The following CHST3 variants were observed in gnomAD, a reference collection of about 807,000 sequenced individuals.
The protein encoded by CHST3 is carbohydrate sulfotransferase 3, also known as C6ST-1.
CHST3 carries 20 observed loss-of-function variants against 35.4 expected under a neutral mutation model. The ratio of observed to expected loss-of-function variants is 0.57; its 90% CI spans 0.40 to 0.82. The LOEUF (loss-of-function observed/expected upper bound fraction) is 0.82. CHST3 is among the 40% of genes least tolerant of loss of function. The probability of loss-of-function intolerance (pLI) is 0.00; values close to 1 mark genes in which losing one functional copy is unlikely to be tolerated. For missense variants in CHST3, 693 were observed against 670.1 expected (o/e 1.03, Z -0.38); for synonymous variants, 334 against 295.9 (o/e 1.13, Z -1.32).
Position 72,008,180 on chromosome 10 carries a change from C to A in CHST3, c.1149C>A (p.Arg383=). 1 of 1,549,356 alleles carries A rather than the reference C, an allele frequency of 6.5e-7. No homozygotes were observed. Among genetic ancestry groups the A allele is most frequent in the Admixed American group, 2.0e-5 (1 of 51,000 alleles). ...DVARGPLQKA[R]EMYRFAGIPL... is the part of the protein sequence containing the mutation. ...CACGCGGGCCGCTGCAGAAGGCCCG[C>A]GAGATGTACCGCTTCGCCGGCATCC... is the stretch of plus-strand genomic sequence containing the variant. Residue 383 remains arginine (R), a synonymous_variant, in exon 3 of 3, where the codon CGC becomes CGA. Transcript: ENST00000373115.
intron 1 of CHST3, among the ~76,000 whole-genome samples, chr10:71,998,360 C>G (rs532321717): frequency 6.6e-6 from 1 of 152,146 alleles, no homozygotes; most frequent in African/African-American, 2.4e-5. Context: ...ATGTCCAGGT[C>G]GGTTCTGAAT....
At chr10:72,000,646 A>G (rs375845550) in intron 1 of CHST3, among the ~76,000 whole-genome samples, 36 of 152,122 alleles carry the variant, frequency 2.4e-4, no homozygotes, top group African/African-American at 8.2e-4. Context: ...CAGGGTCTGG[A>G]TCTTGAAGGC....
At chr10:71,973,906 C>T (rs969574324) in intron 1 of CHST3, among the ~76,000 whole-genome samples, 2 of 152,114 alleles carry the variant, frequency 1.3e-5, no homozygotes, top group African/African-American at 4.8e-5. Flanking sequence ...ATAGGATACA[C>T]GAGGAGAGAC....
intron 1 of CHST3, among the ~76,000 whole-genome samples, chr10:72,001,110 A>G (rs1416722740): frequency 6.6e-6 from 1 of 152,146 alleles, no homozygotes; most frequent in East Asian, 1.9e-4. Context: ...CGTAGGTGGG[A>G]TAGGAGTCCA....
intron 1 of CHST3, among the ~76,000 whole-genome samples, chr10:71,981,241 C>T (rs1839798442): frequency 6.6e-6 from 1 of 152,228 alleles, no homozygotes; most frequent in Non-Finnish European, 1.5e-5. Flanking sequence ...CGCGGCAGCA[C>T]CTCGGCCTTG....
intron 1 of CHST3, among the ~76,000 whole-genome samples, chr10:71,998,497 C>G (rs1327530817): frequency 6.6e-6 from 1 of 152,240 alleles, no homozygotes; most frequent in Non-Finnish European, 1.5e-5. Flanking sequence ...GTTCCTACCT[C>G]TCCAACCTGA....
intron 1 of CHST3, among the ~76,000 whole-genome samples, chr10:71,989,501 C>T (rs1333259605): frequency 3.3e-5 from 5 of 152,036 alleles, no homozygotes; most frequent in Admixed American, 3.3e-4. Context: ...TGTCAGGATC[C>T]CTCTTGCTTG....
chr10:71,977,604 C>G (rs777377895), intron 1 of CHST3, among the ~76,000 whole-genome samples: 4 of 151,978 alleles, frequency 2.6e-5, no homozygotes, highest in Non-Finnish European at 5.9e-5. Context: ...TGTGCTCCAC[C>G]TAATTTTTAA....
chr10:72,009,749 C>T lies in CHST3; in HGVS notation c.*1278C>T, dbSNP rs4148943. 0.44 allele frequency: 66,316 copies of T among 152,322 alleles called. 14,753 individuals carry two copies. Among genetic ancestry groups the T allele is most frequent in the Non-Finnish European group, 0.48 (32,520 of 68,048 alleles). 9.4% of individuals were successfully genotyped at this position (152,322 alleles called of 1,614,324 possible). On this transcript the variant is annotated 3_prime_UTR_variant, in exon 3 of 3. Transcript: ENST00000373115. ...AGTGCCTGGAATTCCTCCTTAGGGC[C>T]CTGGGAAGAGTATTGCTTAACGCAG...
chr10:71,974,577 C>T (rs552905569), intron 1 of CHST3, among the ~76,000 whole-genome samples: 63 of 152,250 alleles, frequency 4.1e-4, no homozygotes, highest in Non-Finnish European at 6.9e-4. Flanking sequence ...AGATGCCAGG[C>T]GGGCCTGGAG....
At chr10:71,997,182 C>T (rs920654126) in intron 1 of CHST3, among the ~76,000 whole-genome samples, 4 of 152,092 alleles carry the variant, frequency 2.6e-5, no homozygotes, top group African/African-American at 7.2e-5. Flanking sequence ...CTTGCAGAAC[C>T]GAAACTGTCC....
intron 1 of CHST3, among the ~76,000 whole-genome samples, chr10:71,988,982 G>T (rs945822552): frequency 2.6e-5 from 4 of 152,100 alleles, no homozygotes; most frequent in Non-Finnish European, 5.9e-5. Context: ...GACCAAAATG[G>T]TGAAACCCCA....
At chr10:71,982,314 G>A (rs1839808264) in intron 1 of CHST3, among the ~76,000 whole-genome samples, 1 of 152,232 alleles carries the variant, frequency 6.6e-6, no homozygotes, top group African/African-American at 2.4e-5. Flanking sequence ...AAGGGGGCAT[G>A]AGCCATGGAA....
At position 72,007,917 on chromosome 10, in the gene CHST3, G is replaced by A. The variant is rs762224143; in HGVS notation, c.886G>A (p.Val296Ile). ...CGAGGACCCCCGCCTGGACCTGCGC[G>A]TCATCCAGCTGGTGCGCGACCCCCG... ...LAEDPRLDLR[V>I]IQLVRDPRAV... Residue 296 changes from valine (V) to isoleucine (I), a missense_variant, in exon 3 of 3, where the codon GTC becomes ATC. Physicochemically the swap from Val to Ile is conservative, Grantham distance 29. Transcript: ENST00000373115. 3.2e-6 allele frequency: 5 copies of A among 1,562,570 alleles called. No individual in the cohort carries two copies. In the East Asian group the frequency reaches 7.2e-5, roughly 22 times the overall value.
intron 1 of CHST3, among the ~76,000 whole-genome samples, chr10:71,998,091 A>G (rs544768326): frequency 1.3e-5 from 2 of 152,306 alleles, no homozygotes; most frequent in South Asian, 4.1e-4. Flanking sequence ...GTGAGCCAAG[A>G]TCATGCCACT....
chr10:71,993,897 C>T (rs1839918356), intron 1 of CHST3, among the ~76,000 whole-genome samples: 1 of 152,108 alleles, frequency 6.6e-6, no homozygotes, highest in African/African-American at 2.4e-5. Context: ...GTCAGGAGTT[C>T]AAGACCAGCC....
At chr10:71,999,999 T>C (rs1839976686) in intron 1 of CHST3, among the ~76,000 whole-genome samples, 1 of 152,206 alleles carries the variant, frequency 6.6e-6, no homozygotes, top group South Asian at 2.1e-4. Flanking sequence ...GAGACTAAAG[T>C]TATGTGCGGT....
chr10:72,003,226 C>T (rs548184633), intron 1 of CHST3, among the ~76,000 whole-genome samples: 1 of 152,332 alleles, frequency 6.6e-6, no homozygotes, highest in East Asian at 1.9e-4. Flanking sequence ...TTGGTTGGCC[C>T]TCCCAACCAG....
chr10:72,000,044 A>G (rs1386292061), intron 1 of CHST3, among the ~76,000 whole-genome samples: 1 of 152,210 alleles, frequency 6.6e-6, no homozygotes, highest in Non-Finnish European at 1.5e-5. Context: ...GTTGGTGGCC[A>G]TGGTTCGCAC....
Sources: allele counts gnomAD v4.1 joint callset (sites outside exome capture counted in the v4.1 genomes callset), GRCh38; gene constraint gnomAD v4.1.1; transcripts MANE v1.5; gene names NCBI Gene and HGNC (gene_info 2026-07-23, HGNC 2026-07-21).